The following MED13L variants were observed in gnomAD, a reference collection of about 807,000 sequenced individuals.
The protein encoded by MED13L is mediator of RNA polymerase II transcription subunit 13-like.
In MED13L, 7 loss-of-function variants were observed where a neutral mutation model predicts 220.9. The observed-to-expected ratio is 0.03, with a 90% CI of 0.02 to 0.06. MED13L has a LOEUF of 0.06. Ranked by LOEUF, MED13L falls within the 10% of genes least tolerant of loss-of-function variation. The pLI is 1.00. For missense variants in MED13L, 1,965 were observed against 2,760.5 expected, an observed-to-expected ratio of 0.71 and a Z score of 6.46; for synonymous variants, 1,011 against 1,015.2, an observed-to-expected ratio of 1.00 and a Z score of 0.08.
In MED13L at chr12:116,097,947, T is replaced by TA. The variant is rs1872745097; in HGVS notation, c.396-1196dup. Among the ~76,000 whole-genome samples, 3 of 152,132 alleles carry TA rather than the reference T, an allele frequency of 2.0e-5. 1 individual carries two copies. Among genetic ancestry groups the TA allele is most frequent in the Admixed American group, 2.0e-4 (3 of 15,276 alleles). On this transcript the variant is annotated intron_variant, in intron 3 of 30. Coordinates refer to ENST00000281928, the MANE Select transcript of MED13L (RefSeq NM_015335.5). ...GGATTGTAAGGAGTATAACTGATTT[T>TA]AAAAACATAAAAATGAGGCTGGGTG...
At chr12:116,233,805 G>C (rs974409684) in intron 2 of MED13L, among the ~76,000 whole-genome samples, 4 of 152,148 alleles carry the variant, frequency 2.6e-5, no homozygotes, top group Non-Finnish European at 5.9e-5. Flanking sequence ...CCCGTGCTCT[G>C]AATCACTACA....
chr12:116,237,786 A>G (rs1870232547), intron 1 of MED13L, 81 bp from the exon 2 acceptor site: 7 of 1,184,326 alleles, frequency 5.9e-6, no homozygotes, highest in South Asian at 3.7e-5. Flanking sequence ...CAGAAAAGCA[A>G]TTGTGCTAAA....
At position 116,065,166 on chromosome 12, in the gene MED13L, C is replaced by T. The variant is rs959958182; in HGVS notation, c.479+31503G>A. Among the ~76,000 whole-genome samples the T allele has an allele frequency of 3.3e-5, 5 of 152,084 alleles. No homozygotes were observed. The South Asian group carries it at 1.0e-3, about 32-fold the overall frequency. ...GATCTGCAATGCCAATATCAAGTGC[C>T]ATACATCAGGTTTCTACATATGCTC... On this transcript the variant is annotated intron_variant, in intron 4 of 30. Transcript: ENST00000281928.
chr12:116,024,816 G>A (rs1419190860), intron 4 of MED13L, among the ~76,000 whole-genome samples: 2 of 132,170 alleles, frequency 1.5e-5, no homozygotes, highest in Non-Finnish European at 3.2e-5. Flanking sequence ...TTGAGAAATA[G>A]GGGTCTAGTG....
intron 4 of MED13L, among the ~76,000 whole-genome samples, chr12:116,093,293 C>A (rs1184260641): frequency 6.6e-6 from 1 of 151,906 alleles, no homozygotes; most frequent in East Asian, 1.9e-4. Context: ...TCTACTTATT[C>A]TTTTCCCAAG....
rs1242723965 is a variant in MED13L, at chr12:116,031,756, AAAAGAAGGAAGG to A, written c.480-9167_480-9156del. 1.8e-3 allele frequency among the ~76,000 whole-genome samples: 40 copies of A among 21,806 alleles called. 1 individual carries two copies. Among genetic ancestry groups the A allele is most frequent in the Admixed American group, 6.4e-3 (12 of 1,888 alleles). 14.3% of individuals were successfully genotyped at this position (21,806 alleles called of 152,430 possible). A position where few individuals can be genotyped will look rare whatever the true frequency, so the allele number is the denominator to read the frequency against. ...AAAAGAAAAGAAAAGAAAAGAAAAG[AAAAGAAGGAAGG>A]AAGGAAGGAAGGAAGGAAGGAAGGA... On this transcript the variant is annotated intron_variant, in intron 4 of 30. Coordinates refer to ENST00000281928, the MANE Select transcript of MED13L (RefSeq NM_015335.5).
chr12:116,119,838 A>AATATATATATATATAT (rs1555213243), intron 2 of MED13L, among the ~76,000 whole-genome samples: 7 of 31,590 alleles, frequency 2.2e-4, no homozygotes, highest in African/African-American at 5.5e-4. Context: ...AAAAAAAAAA[A>AATATATATATATATAT]ATATATATAT....
At chr12:116,200,187 T>C (rs1362785285) in intron 2 of MED13L, among the ~76,000 whole-genome samples, 4 of 152,200 alleles carry the variant, frequency 2.6e-5, no homozygotes, top group Non-Finnish European at 5.9e-5. Flanking sequence ...ATAAGATTTC[T>C]TTAATAAAGT....
intron 2 of MED13L, among the ~76,000 whole-genome samples, chr12:116,124,123 C>CGAGAGAGAGATAGAGAGAGAGAGAGA (rs1875341047): frequency 7.5e-6 from 1 of 133,516 alleles, no homozygotes; most frequent in Non-Finnish European, 1.7e-5. Context: ...GAGAGAAAGA[C>CGAGAGAGAGATAGAGAGAGAGAGAGA]GAGAGAGAGA....
intron 4 of MED13L, among the ~76,000 whole-genome samples, chr12:116,093,969 T>C (rs1872461230): frequency 6.6e-6 from 1 of 152,178 alleles, no homozygotes; most frequent in Non-Finnish European, 1.5e-5. Context: ...TAAGACATTA[T>C]GATTTTCAAC....
intron 2 of MED13L, among the ~76,000 whole-genome samples, chr12:116,154,668 G>A (rs1593108029): frequency 6.6e-6 from 1 of 152,058 alleles, no homozygotes; most frequent in South Asian, 2.1e-4. Flanking sequence ...AAAATGTCAA[G>A]TACCAACATA....
chr12:116,193,616 G>GA (rs34786529), intron 2 of MED13L, among the ~76,000 whole-genome samples: 148,375 of 149,064 alleles, frequency 1, 73,844 homozygotes, highest in Middle Eastern at 1. Flanking sequence ...AAATCTCTCA[G>GA]AAAAAAAAAA....
Position 116,076,445 on chromosome 12 carries a change from G to A in MED13L, c.479+20224C>T, listed in dbSNP as rs576150597. On this transcript the variant is annotated intron_variant, in intron 4 of 30. Coordinates refer to ENST00000281928, the MANE Select transcript of MED13L (RefSeq NM_015335.5). Reference sequence around the variant, plus strand: ...TCTGTTACTTAGGAGGCTGAGGGAGGAGGACTGCTTGAGCCCAGGAGTTGG... The same window carrying A: ...TCTGTTACTTAGGAGGCTGAGGGAGAAGGACTGCTTGAGCCCAGGAGTTGG... Among the ~76,000 whole-genome samples the A allele has an allele frequency of 6.6e-4, 100 of 152,294 alleles. 3 individuals are homozygous for A. Among genetic ancestry groups the A allele is most frequent in the Middle Eastern group, 6.8e-3 (2 of 294 alleles).
At chr12:116,219,068 G>A (rs1411776508) in intron 2 of MED13L, among the ~76,000 whole-genome samples, 1 of 152,170 alleles carries the variant, frequency 6.6e-6, no homozygotes, top group African/African-American at 2.4e-5. Flanking sequence ...AGAATGAAAA[G>A]TGTCAACGTA....
At chr12:116,224,919 T>C (rs943692743) in intron 2 of MED13L, among the ~76,000 whole-genome samples, 5 of 152,144 alleles carry the variant, frequency 3.3e-5, no homozygotes, top group African/African-American at 1.2e-4. Flanking sequence ...GCTCAACTGA[T>C]ACTCTGGCCT....
chr12:116,106,816 A>C (rs1309650361), intron 3 of MED13L, among the ~76,000 whole-genome samples: 1 of 151,656 alleles, frequency 6.6e-6, no homozygotes, highest in East Asian at 1.9e-4. Flanking sequence ...ACTGCACTCC[A>C]GCCCAGGCAA....
In MED13L at chr12:116,155,767, C is replaced by T. The variant is rs191977263; in HGVS notation, c.311-44255G>A. 7.2e-4 allele frequency among the ~76,000 whole-genome samples: 109 copies of T among 152,144 alleles called. 1 individual carries two copies. The highest frequency in any genetic ancestry group is 2.5e-3 in the African/African-American group (103 of 41,522). On this transcript the variant is annotated intron_variant, in intron 2 of 30. Transcript: ENST00000281928. ...TGAAACTGTTAATATATTAACTATT[C>T]TTTGCTGTTGTTATTCATAAAAATT...
chr12:116,029,685 T>A (rs1242480135), intron 4 of MED13L, among the ~76,000 whole-genome samples: 1 of 152,054 alleles, frequency 6.6e-6, no homozygotes, highest in East Asian at 1.9e-4. Flanking sequence ...AGAAGAAAAG[T>A]AATCAATCAT....
At chr12:115,979,938 A>G (rs796353927) in intron 23 of MED13L, among the ~76,000 whole-genome samples, 2 of 152,340 alleles carry the variant, frequency 1.3e-5, no homozygotes, top group African/African-American at 2.4e-5. Context: ...ATCTGTAGGA[A>G]GTAGGTTTTA....
Sources: gnomAD v4.1 joint callset for allele counts (sites outside exome capture counted in the v4.1 genomes callset) on GRCh38, gnomAD v4.1.1 for gene constraint, MANE v1.5 for transcripts, NCBI Gene and HGNC (gene_info 2026-07-23, HGNC 2026-07-21) for gene names.